The following AFF3 variants were observed in gnomAD, a reference collection of about 807,000 sequenced individuals.
The protein encoded by AFF3 is ALF transcription elongation factor 3.
A neutral mutation model predicts 129.7 loss-of-function variants in AFF3; 32 were observed. The ratio of observed to expected loss-of-function variants is 0.25; its 90% CI spans 0.19 to 0.33. The LOEUF (loss-of-function observed/expected upper bound fraction) is 0.33, where lower values mean the gene tolerates loss of function less well. Among genes scored for constraint, AFF3 ranks in the 10% least tolerant of loss-of-function variants. The pLI is 1.00. For synonymous variants in AFF3, 644 were observed against 635.4 expected (o/e 1.01, Z -0.20); for missense variants, 1,373 against 1,592.0 (o/e 0.86, Z 2.34).
At chr2:99,846,534 T>C (rs1689741618) in intron 7 of AFF3, among the ~76,000 whole-genome samples, 3 of 152,278 alleles carry the variant, frequency 2.0e-5, no homozygotes, top group Admixed American at 2.0e-4. Flanking sequence ...TTATCACTTA[T>C]AGTCAGTTTT....
At chr2:99,911,582 A>C (rs1695119133) in intron 7 of AFF3, among the ~76,000 whole-genome samples, 1 of 152,088 alleles carries the variant, frequency 6.6e-6, no homozygotes, top group African/African-American at 2.4e-5. Context: ...CAACACTTGA[A>C]CTGCACAGAA....
chr2:100,080,594 A>G (rs1341883270), intron 4 of AFF3, among the ~76,000 whole-genome samples: 1 of 152,122 alleles, frequency 6.6e-6, no homozygotes, highest in Admixed American at 6.5e-5. Flanking sequence ...ATTAGCAAAA[A>G]AAATATATAC....
intron 17 of AFF3, among the ~76,000 whole-genome samples, chr2:99,581,111 T>C (rs1198778035): frequency 6.6e-6 from 1 of 152,238 alleles, no homozygotes; most frequent in African/African-American, 2.4e-5. Context: ...CGCTGGATTG[T>C]TATTGCATCT....
At chr2:99,641,890 G>A (rs1575579114) in intron 13 of AFF3, among the ~76,000 whole-genome samples, 1 of 152,086 alleles carries the variant, frequency 6.6e-6, no homozygotes, top group Admixed American at 6.6e-5. Context: ...CAGCGTTGTG[G>A]TATACTCAGT....
chr2:100,067,909 TTACACTGCC>T (rs1203872418), intron 4 of AFF3, among the ~76,000 whole-genome samples: 3 of 152,208 alleles, frequency 2.0e-5, no homozygotes, highest in African/African-American at 7.2e-5. Flanking sequence ...CAGCTGTTAT[TTACACTGCC>T]TACAATAAAT....
intron 13 of AFF3, among the ~76,000 whole-genome samples, chr2:99,648,917 A>ACACACACACACG: frequency 2.1e-5 from 1 of 46,874 alleles, no homozygotes; most frequent in African/African-American, 6.5e-5. Context: ...ACACACACAC[A>ACACACACACACG]CTCTCTCTCT....
intron 2 of AFF3, among the ~76,000 whole-genome samples, chr2:100,122,412 G>T (rs1352037028): frequency 1.3e-5 from 2 of 152,090 alleles, no homozygotes; most frequent in African/African-American, 2.4e-5. Flanking sequence ...TTAATTTCTT[G>T]CTAAAACCTA....
intron 7 of AFF3, among the ~76,000 whole-genome samples, chr2:99,895,174 A>G (rs1693850054): frequency 1.3e-5 from 2 of 152,340 alleles, no homozygotes; most frequent in African/African-American, 4.8e-5. Context: ...GGCTATTTCT[A>G]CTGGATATGT....
intron 13 of AFF3, among the ~76,000 whole-genome samples, chr2:99,636,190 G>A (rs1156369128): frequency 6.6e-6 from 1 of 152,176 alleles, no homozygotes; most frequent in Non-Finnish European, 1.5e-5. Flanking sequence ...CTGAATAGGG[G>A]TTTCTGTCTC....
At chr2:100,020,112 T>C (rs760744789) in intron 4 of AFF3, among the ~76,000 whole-genome samples, 1 of 152,162 alleles carries the variant, frequency 6.6e-6, no homozygotes, top group African/African-American at 2.4e-5. Flanking sequence ...CTGGTTTCCC[T>C]AAACATGCAA....
Position 99,548,511 on chromosome 2 carries a change from A to T in AFF3, c.*2963T>A. On this transcript the variant is annotated 3_prime_UTR_variant, in exon 25 of 25. Coordinates refer to ENST00000672756, the MANE Select transcript of AFF3 (RefSeq NM_001386135.1). ...ATGCACTTTGGGAGGCCGAGGCCAAAGGATCGCTTGAGCCCAGGAGTTTGA... is the reference window on the plus strand; with the variant it reads ...ATGCACTTTGGGAGGCCGAGGCCAATGGATCGCTTGAGCCCAGGAGTTTGA... 5.1e-6 allele frequency: 1 copy of T among 197,276 alleles called. No homozygotes were observed. The highest frequency in any genetic ancestry group is 1.1e-5 in the Non-Finnish European group (1 of 95,086). The allele number at this position is 197,276 out of a possible 1,614,324, so 12.2% of individuals were successfully genotyped here. A position where few individuals can be genotyped will look rare whatever the true frequency, so the allele number is the denominator to read the frequency against.
intron 4 of AFF3, among the ~76,000 whole-genome samples, chr2:100,042,276 C>A (rs1392177781): frequency 6.6e-6 from 1 of 152,234 alleles, no homozygotes; most frequent in Non-Finnish European, 1.5e-5. Flanking sequence ...TCCGCAGCCA[C>A]CCCAGCGAGT....
At chr2:99,617,579 A>G (rs1681565453) in intron 13 of AFF3, among the ~76,000 whole-genome samples, 1 of 152,194 alleles carries the variant, frequency 6.6e-6, no homozygotes, top group Non-Finnish European at 1.5e-5. Context: ...ATATCAGTAT[A>G]TATCTCTGTC....
At chr2:99,605,197 C>A (rs776186274) in intron 13 of AFF3, among the ~76,000 whole-genome samples, 3 of 152,164 alleles carry the variant, frequency 2.0e-5, no homozygotes, top group Admixed American at 1.3e-4. Flanking sequence ...TCTTAAATTA[C>A]GAAATTCACT....
chr2:99,608,175 T>C (rs974832758), intron 13 of AFF3, among the ~76,000 whole-genome samples: 1 of 152,240 alleles, frequency 6.6e-6, no homozygotes, highest in African/African-American at 2.4e-5. Flanking sequence ...AGGCTGGGTC[T>C]GTTTCCAGCA....
intron 7 of AFF3, among the ~76,000 whole-genome samples, chr2:99,945,331 C>G (rs1239113968): frequency 6.6e-6 from 1 of 152,296 alleles, no homozygotes; most frequent in East Asian, 1.9e-4. Flanking sequence ...TTACACTTTC[C>G]TTGAAGACTC....
chr2:100,082,388 T>G (rs1316839643), intron 4 of AFF3, among the ~76,000 whole-genome samples: 3 of 151,770 alleles, frequency 2.0e-5, no homozygotes, highest in Non-Finnish European at 4.4e-5. Context: ...TAACTCTGGC[T>G]TTATCACACA....
At chr2:99,708,667 T>G (rs1197065558) in intron 11 of AFF3, among the ~76,000 whole-genome samples, 2 of 152,186 alleles carry the variant, frequency 1.3e-5, no homozygotes, top group African/African-American at 2.4e-5. Flanking sequence ...GAAAACCCAA[T>G]AGAATTCACA....
chr2:99,672,414 T>C, intron 12 of AFF3, 124 bp downstream of exon 12: 1 of 825,630 alleles, frequency 1.2e-6, no homozygotes, highest in South Asian at 1.7e-5. Context: ...AGCTCACACT[T>C]AGCAGACAAA....
Sources: allele counts gnomAD v4.1 joint callset (sites outside exome capture counted in the v4.1 genomes callset), GRCh38; gene constraint gnomAD v4.1.1; transcripts MANE v1.5; gene names NCBI Gene and HGNC (gene_info 2026-07-23, HGNC 2026-07-21).